CHL1: variants seen among roughly 807,000 people sequenced by gnomAD.
CHL1 encodes the protein neural cell adhesion molecule L1-like protein.
Under a neutral mutation model 141.9 loss-of-function variants are expected in CHL1, and 96 were observed. The ratio of observed to expected loss-of-function variants is 0.68; its 90% CI spans 0.57 to 0.80. CHL1 has a LOEUF of 0.80. Among genes scored for constraint, CHL1 ranks in the 30% least tolerant of loss-of-function variants. CHL1 has a pLI of 0.00. For synonymous variants in CHL1, 613 were observed against 502.2 expected (o/e 1.22, Z -2.95); for missense variants, 1,820 against 1,457.2 (o/e 1.25, Z -4.05).
chr3:332,402 A>G (rs940811215), intron 5 of CHL1, among the ~76,000 whole-genome samples: 2 of 152,170 alleles, frequency 1.3e-5, no homozygotes, highest in Non-Finnish European at 2.9e-5. Flanking sequence ...TAATGGAAGT[A>G]AAAATTGGAA....
chr3:379,918 C>T (rs997098152), intron 16 of CHL1, among the ~76,000 whole-genome samples: 1 of 151,894 alleles, frequency 6.6e-6, no homozygotes, highest in Non-Finnish European at 1.5e-5. Context: ...TGTTTTACCC[C>T]CTGGAAAACA....
chr3:349,929 A>G (rs1384737439), intron 10 of CHL1, among the ~76,000 whole-genome samples: 1 of 152,162 alleles, frequency 6.6e-6, no homozygotes, highest in African/African-American at 2.4e-5. Context: ...CCTGGAAGAA[A>G]GCTTGGATTT....
chr3:267,647 T>G (rs992395690), intron 2 of CHL1, among the ~76,000 whole-genome samples: 1 of 152,184 alleles, frequency 6.6e-6, no homozygotes, highest in African/African-American at 2.4e-5. Context: ...ATTTTAAAAT[T>G]AACACCTAAT....
chr3:261,776 A>G (rs1409149925), intron 2 of CHL1, among the ~76,000 whole-genome samples: 1 of 152,138 alleles, frequency 6.6e-6, no homozygotes, highest in Admixed American at 6.5e-5. Flanking sequence ...ATTTTGAATA[A>G]AAAGATAATA....
At chr3:239,424 G>T (rs1692328320) in intron 1 of CHL1, among the ~76,000 whole-genome samples, 1 of 152,022 alleles carries the variant, frequency 6.6e-6, no homozygotes, top group Non-Finnish European at 1.5e-5. Context: ...TTTCTCTGCT[G>T]CAGCATCTCT....
intron 2 of CHL1, among the ~76,000 whole-genome samples, chr3:292,354 GA>G (rs1270384678): frequency 6.6e-6 from 1 of 152,182 alleles, no homozygotes; most frequent in East Asian, 1.9e-4. Context: ...AGCTTTACTT[GA>G]CTTTCCCACA....
chr3:287,146 C>G lies in CHL1; in HGVS notation c.-94-32537C>G, dbSNP rs183908171. On this transcript the variant is annotated intron_variant, in intron 2 of 27. Coordinates refer to ENST00000256509, the MANE Select transcript of CHL1 (RefSeq NM_006614.4). ...TGGAGTTGCTCTGGTTCAAACGCCTCTGACATTTTCATTTATACTTTTCAC... is the reference window on the plus strand; with the variant it reads ...TGGAGTTGCTCTGGTTCAAACGCCTGTGACATTTTCATTTATACTTTTCAC... Among the ~76,000 whole-genome samples the G allele has an allele frequency of 6.6e-5, 10 of 152,172 alleles. No homozygotes were observed. In the East Asian group the frequency reaches 1.3e-3, roughly 21 times the overall value.
At chr3:280,442 G>A (rs1574946050) in intron 2 of CHL1, among the ~76,000 whole-genome samples, 1 of 152,156 alleles carries the variant, frequency 6.6e-6, no homozygotes, top group Non-Finnish European at 1.5e-5. Context: ...AAATAATTTA[G>A]ATAAGAATTA....
chr3:383,279 A>G (rs184285049), intron 18 of CHL1, among the ~76,000 whole-genome samples: 2 of 152,310 alleles, frequency 1.3e-5, no homozygotes, highest in South Asian at 4.1e-4. Flanking sequence ...CAACCTTTGC[A>G]CTAAACTCCA....
chr3:224,938 C>G (rs1337119814), intron 1 of CHL1, among the ~76,000 whole-genome samples: 2 of 150,870 alleles, frequency 1.3e-5, no homozygotes, highest in African/African-American at 2.4e-5. Flanking sequence ...GAGTTCAAGA[C>G]CAGCCTGGCC....
At chr3:273,311 G>T (rs116091471) in intron 2 of CHL1, among the ~76,000 whole-genome samples, 1 of 152,194 alleles carries the variant, frequency 6.6e-6, no homozygotes, top group Non-Finnish European at 1.5e-5. Context: ...CCCTTGGGAA[G>T]TGGTTAGTTT....
intron 2 of CHL1, among the ~76,000 whole-genome samples, chr3:318,067 G>A (rs1250515924): frequency 6.6e-6 from 1 of 151,796 alleles, no homozygotes; most frequent in African/African-American, 2.4e-5. Flanking sequence ...CTCTAATTCA[G>A]GACAAAGATT....
intron 5 of CHL1, among the ~76,000 whole-genome samples, chr3:337,537 C>T (rs1701993570): frequency 6.7e-6 from 1 of 149,950 alleles, no homozygotes; most frequent in East Asian, 2.0e-4. Context: ...CCACAACAGG[C>T]CCCGGTGTGT....
intron 2 of CHL1, among the ~76,000 whole-genome samples, chr3:255,872 C>A (rs891993560): frequency 8.5e-5 from 13 of 152,104 alleles, no homozygotes; most frequent in African/African-American, 2.9e-4. Context: ...TAATGTCTAC[C>A]CATTGTCCTG....
chr3:264,965 A>G (rs1695032515), intron 2 of CHL1, among the ~76,000 whole-genome samples: 1 of 152,196 alleles, frequency 6.6e-6, no homozygotes, highest in African/African-American at 2.4e-5. Flanking sequence ...TGAAGTAGTA[A>G]TTTTTGTAAA....
At chr3:346,758 C>T (rs1352322578) in intron 9 of CHL1, among the ~76,000 whole-genome samples, 2 of 152,086 alleles carry the variant, frequency 1.3e-5, no homozygotes, top group Non-Finnish European at 2.9e-5. Flanking sequence ...GAAGATGATA[C>T]ATTTTTAAAA....
At chr3:348,972 A>C (rs940220040) in intron 9 of CHL1, among the ~76,000 whole-genome samples, 2 of 152,246 alleles carry the variant, frequency 1.3e-5, no homozygotes, top group East Asian at 3.8e-4. Context: ...GGCTGTTATC[A>C]CTGGCTGCCC....
chr3:403,461 T>C (rs1337732592), intron 27 of CHL1, among the ~76,000 whole-genome samples: 1 of 152,014 alleles, frequency 6.6e-6, no homozygotes, highest in African/African-American at 2.4e-5. Context: ...GCAGGAGAAT[T>C]TCTTGAACTC....
chr3:295,064 G>A (rs1215478244), intron 2 of CHL1, among the ~76,000 whole-genome samples: 1 of 151,698 alleles, frequency 6.6e-6, no homozygotes, highest in Non-Finnish European at 1.5e-5. Flanking sequence ...TTCTTCCTTT[G>A]TTTCTTTTCT....
Sources: gnomAD v4.1 joint callset for allele counts (sites outside exome capture counted in the v4.1 genomes callset) on GRCh38, gnomAD v4.1.1 for gene constraint, MANE v1.5 for transcripts, NCBI Gene and HGNC (gene_info 2026-07-23, HGNC 2026-07-21) for gene names.